CCDC85A: variants seen among roughly 807,000 people sequenced by gnomAD.
CCDC85A encodes coiled-coil domain-containing protein 85A.
Under a neutral mutation model 50.2 loss-of-function variants are expected in CCDC85A, and 38 were observed. The observed-to-expected ratio is 0.76, with a 90% CI of 0.58 to 0.99. CCDC85A has a LOEUF of 0.99. Among genes scored for constraint, CCDC85A ranks in the 50% least tolerant of loss-of-function variants. The probability of loss-of-function intolerance (pLI) is 0.00; values close to 1 mark genes in which losing one functional copy is unlikely to be tolerated. For synonymous variants in CCDC85A, 366 were observed against 301.4 expected (o/e 1.21, Z -2.22); for missense variants, 820 against 742.0 (o/e 1.11, Z -1.22).
chr2:56,350,518 GT>G (rs1466578335), intron 3 of CCDC85A, among the ~76,000 whole-genome samples: 1 of 152,146 alleles, frequency 6.6e-6, no homozygotes, highest in Non-Finnish European at 1.5e-5. Context: ...ATTGTATAGT[GT>G]TAGATTTTGG....
intron 5 of CCDC85A, among the ~76,000 whole-genome samples, chr2:56,380,511 G>A (rs1482306676): frequency 6.6e-6 from 1 of 150,786 alleles, no homozygotes; most frequent in Non-Finnish European, 1.5e-5. Flanking sequence ...AGTGAGCTAT[G>A]ATCATACCAC....
intron 3 of CCDC85A, among the ~76,000 whole-genome samples, chr2:56,371,018 A>G (rs1234746979): frequency 6.6e-6 from 1 of 152,142 alleles, no homozygotes; most frequent in Non-Finnish European, 1.5e-5. Context: ...GCTGTGAATC[A>G]TGTTATAAAT....
intron 2 of CCDC85A, among the ~76,000 whole-genome samples, chr2:56,255,011 A>G (rs375489870): frequency 1.5e-4 from 23 of 152,248 alleles, no homozygotes; most frequent in African/African-American, 5.5e-4. Context: ...TCTGTTCTTT[A>G]TAGGTATTCT....
In CCDC85A at chr2:56,385,727, T is replaced by C. The variant is rs1019497078; in HGVS notation, c.*1372T>C. 6.6e-6 allele frequency: 1 copy of C among 151,848 alleles called. No individual in the cohort carries two copies. The highest frequency in any genetic ancestry group is 2.4e-5 in the African/African-American group (1 of 41,396). 9.4% of individuals were successfully genotyped at this position (151,848 alleles called of 1,614,324 possible). ...GAGTTAATTGTCACTAGTAGGAGAC[T>C]GTGAAGGAATTTTGTTATACTTTCA... On this transcript the variant is annotated 3_prime_UTR_variant, in exon 6 of 6. Transcript: ENST00000407595.
At chr2:56,325,066 CTT>C (rs1173418282) in intron 2 of CCDC85A, among the ~76,000 whole-genome samples, 1 of 151,918 alleles carries the variant, frequency 6.6e-6, no homozygotes, top group African/African-American at 2.4e-5. Context: ...AAGAAGCACT[CTT>C]GAATTTTGTG....
intron 2 of CCDC85A, among the ~76,000 whole-genome samples, chr2:56,333,732 A>G (rs1293814865): frequency 1.3e-5 from 2 of 152,192 alleles, no homozygotes; most frequent in Admixed American, 6.5e-5. Flanking sequence ...AAAATTTCCC[A>G]ATGGAAGGGA....
intron 2 of CCDC85A, among the ~76,000 whole-genome samples, chr2:56,209,382 T>A (rs1446342597): frequency 6.6e-6 from 1 of 151,254 alleles, no homozygotes; most frequent in African/African-American, 2.4e-5. Context: ...TGGATGATAT[T>A]TGGGGAAAAT....
intron 2 of CCDC85A, among the ~76,000 whole-genome samples, chr2:56,288,799 C>G (rs1671566254): frequency 1.3e-5 from 2 of 152,024 alleles, no homozygotes; most frequent in African/African-American, 4.8e-5. Context: ...AAAATTAACA[C>G]CATTTTCCTA....
At chr2:56,197,046 A>C (rs573991889) in intron 2 of CCDC85A, among the ~76,000 whole-genome samples, 1 of 152,198 alleles carries the variant, frequency 6.6e-6, no homozygotes, top group Non-Finnish European at 1.5e-5. Context: ...GCATTAAACA[A>C]GGTCCATTTA....
chr2:56,206,211 C>T (rs950817150), intron 2 of CCDC85A, among the ~76,000 whole-genome samples: 8 of 152,026 alleles, frequency 5.3e-5, no homozygotes, highest in African/African-American at 1.7e-4. Context: ...GTTTCTCACA[C>T]ACATAGGAAT....
At chr2:56,216,716 A>T (rs1573039032) in intron 2 of CCDC85A, among the ~76,000 whole-genome samples, 3 of 145,578 alleles carry the variant, frequency 2.1e-5, no homozygotes, top group African/African-American at 7.6e-5. Flanking sequence ...TTTTATTTGA[A>T]CTTTGCCACA....
chr2:56,186,966 A>G (rs900358341), intron 1 of CCDC85A, among the ~76,000 whole-genome samples: 3 of 151,890 alleles, frequency 2.0e-5, no homozygotes, highest in African/African-American at 4.8e-5. Context: ...TGCAGCTTCT[A>G]CTCTTCTCAT....
intron 1 of CCDC85A, among the ~76,000 whole-genome samples, chr2:56,188,021 A>G (rs777029799): frequency 1.3e-5 from 2 of 152,224 alleles, no homozygotes; most frequent in Non-Finnish European, 2.9e-5. Context: ...CAATTATTTA[A>G]CTGTAGATAC....
chr2:56,238,718 T>C (rs1198419095), intron 2 of CCDC85A, among the ~76,000 whole-genome samples: 1 of 152,192 alleles, frequency 6.6e-6, no homozygotes, highest in Non-Finnish European at 1.5e-5. Flanking sequence ...AAGGAATTGA[T>C]CATTTTTCTA....
chr2:56,385,281 A>C lies in CCDC85A; in HGVS notation c.*926A>C, dbSNP rs1345676236. 1.3e-5 allele frequency: 2 copies of C among 152,292 alleles called. No individual in the cohort carries two copies. Among genetic ancestry groups the C allele is most frequent in the African/African-American group, 4.8e-5 (2 of 41,414 alleles). The allele number at this position is 152,292 out of a possible 1,614,324, so 9.4% of individuals were successfully genotyped here. A position where few individuals can be genotyped will look rare whatever the true frequency, so the allele number is the denominator to read the frequency against. Reference sequence around the variant, plus strand: ...TGTAAACTTTAAAATATTGCACTGCATTTATGAAAAAAGCTTTCTTTGCCT... The same window carrying C: ...TGTAAACTTTAAAATATTGCACTGCCTTTATGAAAAAAGCTTTCTTTGCCT... On this transcript the variant is annotated 3_prime_UTR_variant, in exon 6 of 6. Coordinates refer to ENST00000407595, the MANE Select transcript of CCDC85A (RefSeq NM_001080433.2).
chr2:56,262,865 A>G (rs1670278646), intron 2 of CCDC85A, among the ~76,000 whole-genome samples: 1 of 152,226 alleles, frequency 6.6e-6, no homozygotes, highest in Non-Finnish European at 1.5e-5. Flanking sequence ...TAACCAGGGC[A>G]TTTGGTTTGC....
chr2:56,210,524 G>A (rs1677139560), intron 2 of CCDC85A, among the ~76,000 whole-genome samples: 1 of 151,964 alleles, frequency 6.6e-6, no homozygotes, highest in South Asian at 2.1e-4. Flanking sequence ...GGCATAGTAG[G>A]GATGGTTTGT....
At chr2:56,304,631 G>C (rs1295386005) in intron 2 of CCDC85A, among the ~76,000 whole-genome samples, 1 of 152,126 alleles carries the variant, frequency 6.6e-6, no homozygotes, top group African/African-American at 2.4e-5. Flanking sequence ...ACAAAAAATA[G>C]GGTTCACCTA....
chr2:56,316,900 G>T (rs1280252739), intron 2 of CCDC85A, among the ~76,000 whole-genome samples: 1 of 152,066 alleles, frequency 6.6e-6, no homozygotes, highest in African/African-American at 2.4e-5. Flanking sequence ...TTGCCACAGA[G>T]ATTTTTAAAA....
Sources: gnomAD v4.1 joint callset for allele counts (sites outside exome capture counted in the v4.1 genomes callset) on GRCh38, gnomAD v4.1.1 for gene constraint, MANE v1.5 for transcripts, NCBI Gene and HGNC (gene_info 2026-07-23, HGNC 2026-07-21) for gene names.